C10orf143: variants seen among roughly 807,000 people sequenced by gnomAD.
C10orf143 encodes chromosome 10 open reading frame 143.
rs763631530 is a variant in C10orf143, at chr10:130,106,502, A to C, written c.69+4202T>G. The C allele has an allele frequency of 5.0e-6, 8 of 1,601,368 alleles. No homozygotes were observed. The South Asian group carries it at 8.8e-5, about 18-fold the overall frequency. ...AATTCTCTGTCTAGAAAAAGAGTTA[A>C]AAGAAGAGAAATCTAAACATTCGCA... is the stretch of plus-strand genomic sequence containing the variant. On this transcript the variant is annotated intron_variant, in intron 1 of 3. Transcript: ENST00000637128.
At position 130,099,984 on chromosome 10, in the gene C10orf143, C is replaced by T. The variant is rs182116164; in HGVS notation, c.69+10720G>A. ...TCTTGAGTAGCTGGGATTACAGGCA[C>T]GCGCCACCACACCCGGCTAATTTTT... On this transcript the variant is annotated intron_variant, in intron 1 of 3. Coordinates refer to ENST00000637128, the MANE Select transcript of C10orf143 (RefSeq NM_001355042.2). Among the ~76,000 whole-genome samples the T allele has an allele frequency of 1.6e-3, 234 of 150,614 alleles. 3 individuals carry two copies. The highest frequency in any genetic ancestry group is 5.4e-3 in the African/African-American group (220 of 41,094).
intron 3 of C10orf143, among the ~76,000 whole-genome samples, chr10:130,071,860 G>A (rs962934829): frequency 2.0e-5 from 3 of 152,170 alleles, no homozygotes; most frequent in East Asian, 3.9e-4. Flanking sequence ...CCAACCTCAG[G>A]TGATCTGCCC....
intron 1 of C10orf143, chr10:130,106,696 C>T (rs749686393): frequency 1.7e-5 from 21 of 1,232,166 alleles, no homozygotes; most frequent in Non-Finnish European, 2.5e-5. Flanking sequence ...AAAACTCTCA[C>T]CTTCAGGAAA....
intron 3 of C10orf143, among the ~76,000 whole-genome samples, chr10:130,074,611 A>C (rs1412398216): frequency 6.6e-6 from 1 of 152,154 alleles, no homozygotes; most frequent in South Asian, 2.1e-4. Flanking sequence ...CACTGCAGGC[A>C]CCAGAGGAGG....
At chr10:130,107,212 A>C in intron 1 of C10orf143, 1 of 1,344,372 alleles carries the variant, frequency 7.4e-7, no homozygotes, top group Non-Finnish European at 1.1e-6. Flanking sequence ...TATATCAAGA[A>C]AATGAAATGA....
At chr10:130,106,917 T>C in intron 1 of C10orf143, 1 of 1,023,680 alleles carries the variant, frequency 9.8e-7, no homozygotes. Context: ...GATGATAACT[T>C]AGAAGTGAAC....
rs1045535058 is a variant in C10orf143 at position 130,037,311 on chromosome 10, T to C, written c.298-1341A>G. On this transcript the variant is annotated intron_variant and NMD_transcript_variant, in intron 3 of 5. Coordinates refer to the C10orf143 transcript ENST00000643056. Reference sequence around the variant, plus strand: ...CTAAGCACTGCCGCTTTCCTCCGGCTGACTTCACCCAGTTACTTACCCCAG... The same window carrying C: ...CTAAGCACTGCCGCTTTCCTCCGGCCGACTTCACCCAGTTACTTACCCCAG... Among the ~76,000 whole-genome samples, 104 of 152,348 alleles carry C rather than the reference T, an allele frequency of 6.8e-4. 1 individual carries two copies. The highest frequency in any genetic ancestry group is 2.3e-3 in the African/African-American group (97 of 41,578).
rs114980011 is a variant in C10orf143 at position 130,041,147 on chromosome 10, G to A, written c.298-5177C>T. Among the ~76,000 whole-genome samples the A allele has an allele frequency of 6.0e-3, 919 of 152,338 alleles. 11 individuals carry two copies. The highest frequency in any genetic ancestry group is 0.021 in the African/African-American group (877 of 41,580). ...CAGGAGGCCAAGCTCCTGAACGGCCGTCTTGCCAGGGAGAAGCTGTGTTTG... is the reference window on the plus strand; with the variant it reads ...CAGGAGGCCAAGCTCCTGAACGGCCATCTTGCCAGGGAGAAGCTGTGTTTG... On this transcript the variant is annotated intron_variant and NMD_transcript_variant, in intron 3 of 5. Coordinates refer to the C10orf143 transcript ENST00000643056.
rs535936044 is a variant in C10orf143 at position 130,108,404 on chromosome 10, C to A, written c.69+2300G>T. On this transcript the variant is annotated intron_variant, in intron 1 of 3. Coordinates refer to ENST00000637128, the MANE Select transcript of C10orf143 (RefSeq NM_001355042.2). ...TGAGTTCCCTTCAGGGCTGATTCCG[C>A]CTTCAAATGAGCCTGCTACGGAACA... The A allele has an allele frequency of 6.8e-5, 64 of 944,850 alleles. No homozygotes were observed. The African/African-American group carries it at 9.4e-4, about 14-fold the overall frequency. 58.5% of individuals were successfully genotyped at this position (944,850 alleles called of 1,614,324 possible).
At chr10:130,046,414 C>T (rs1336120342) in intron 3 of C10orf143, among the ~76,000 whole-genome samples, 5 of 152,088 alleles carry the variant, frequency 3.3e-5, no homozygotes, top group African/African-American at 1.2e-4. Context: ...AGGCAGTCTT[C>T]GGTGGTTCTC....
At chr10:130,043,538 C>T (rs1860631111) in intron 3 of C10orf143, among the ~76,000 whole-genome samples, 2 of 152,222 alleles carry the variant, frequency 1.3e-5, no homozygotes, top group African/African-American at 2.4e-5. Flanking sequence ...AGTCTCTCCC[C>T]AACCCCTCTG....
At chr10:130,103,394 G>A (rs112069484) in intron 1 of C10orf143, among the ~76,000 whole-genome samples, 7,759 of 152,192 alleles carry the variant, frequency 0.051, 662 homozygotes, top group African/African-American at 0.18. Flanking sequence ...GGATGCTGAG[G>A]CAGAAGAATC....
intron 1 of C10orf143, 43 bp downstream of exon 1, chr10:130,110,661 C>A: frequency 1.0e-5 from 4 of 398,586 alleles, no homozygotes; most frequent in Non-Finnish European, 1.8e-5. Flanking sequence ...GCCCAGGGGC[C>A]ATCCGCCCTC....
At chr10:130,062,919 G>C (rs1416414080), downstream of C10orf143, among the ~76,000 whole-genome samples, 1 of 152,118 alleles carries the variant, frequency 6.6e-6, no homozygotes, top group Non-Finnish European at 1.5e-5. Flanking sequence ...CCAGGAGGGA[G>C]GGCACTGACA....
chr10:130,079,429 A>G (rs999111519), intron 3 of C10orf143, 137 bp downstream of exon 3: 2 of 397,170 alleles, frequency 5.0e-6, no homozygotes, highest in Non-Finnish European at 8.9e-6. Flanking sequence ...AAAAGCTTAA[A>G]TCAATTTTCA....
At position 130,107,949 on chromosome 10, in the gene C10orf143, C is replaced by G. The variant is rs1197328158; in HGVS notation, c.69+2755G>C. On this transcript the variant is annotated intron_variant, in intron 1 of 3. Coordinates refer to ENST00000637128, the MANE Select transcript of C10orf143 (RefSeq NM_001355042.2). ...TCTAACTCTGGTGGACTGTCTGGAC[C>G]AGCAGAACTCAGAAGTTTTAATATG... 3 of 1,481,220 alleles carry G rather than the reference C, an allele frequency of 2.0e-6. No individual in the cohort carries two copies. The South Asian group carries it at 3.4e-5, about 17-fold the overall frequency. 91.8% of individuals were successfully genotyped at this position (1,481,220 alleles called of 1,614,324 possible). A position where few individuals can be genotyped will look rare whatever the true frequency, so the allele number is the denominator to read the frequency against.
chr10:130,069,612 GA>G (rs199858318), intron 3 of C10orf143, among the ~76,000 whole-genome samples: 23 of 91,338 alleles, frequency 2.5e-4, no homozygotes, highest in Admixed American at 7.0e-4. Flanking sequence ...AGATTTTCTG[GA>G]AAATTTTTTT....
intron 3 of C10orf143, among the ~76,000 whole-genome samples, chr10:130,076,192 G>A (rs1272776066): frequency 6.6e-6 from 1 of 152,082 alleles, no homozygotes; most frequent in Non-Finnish European, 1.5e-5. Context: ...CACTCACCAG[G>A]AGGACAAAGG....
chr10:130,041,834 T>C (rs75548373), intron 3 of C10orf143, among the ~76,000 whole-genome samples: 7,699 of 136,472 alleles, frequency 0.056, 429 homozygotes, highest in East Asian at 0.24. Flanking sequence ...CACACACACA[T>C]GCATGTACAC....
Sources: gnomAD v4.1 joint callset for allele counts (sites outside exome capture counted in the v4.1 genomes callset) on GRCh38, gnomAD v4.1.1 for gene constraint, MANE v1.5 for transcripts, NCBI Gene and HGNC (gene_info 2026-07-23, HGNC 2026-07-21) for gene names.